RFTN2: variants seen among roughly 807,000 people sequenced by gnomAD.
RFTN2 encodes raftlin family member 2, also known as raftlin-2.
Under a neutral mutation model 52.7 loss-of-function variants are expected in RFTN2, and 34 were observed. The ratio of observed to expected loss-of-function variants is 0.64; its 90% CI spans 0.49 to 0.86. The LOEUF (loss-of-function observed/expected upper bound fraction) is 0.86, where lower values mean the gene tolerates loss of function less well. Among genes scored for constraint, RFTN2 ranks in the 40% least tolerant of loss-of-function variants. The pLI, the probability that RFTN2 is intolerant of heterozygous loss-of-function variation, is 0.00. For missense variants in RFTN2, 536 were observed against 600.1 expected (o/e 0.89, Z 1.12); for synonymous variants, 203 against 217.7 (o/e 0.93, Z 0.59).
rs909522745 is a variant in RFTN2, at chr2:197,570,975, T to G, written c.*1033A>C. The G allele has an allele frequency of 6.6e-6, 1 of 152,312 alleles. No individual in the cohort carries two copies. Among genetic ancestry groups the G allele is most frequent in the African/African-American group, 2.4e-5 (1 of 41,462 alleles). 9.4% of individuals were successfully genotyped at this position (152,312 alleles called of 1,614,324 possible). A position where few individuals can be genotyped will look rare whatever the true frequency, so the allele number is the denominator to read the frequency against. On this transcript the variant is annotated 3_prime_UTR_variant, in exon 9 of 9. Coordinates refer to ENST00000295049, the MANE Select transcript of RFTN2 (RefSeq NM_144629.3). ...ATGAAAATCCTTTATTTTGTAGAAT[T>G]TTAAAGATTGTTAAAGGCTGGGTCA...
chr2:197,624,387 C>T (rs896926090), intron 5 of RFTN2, among the ~76,000 whole-genome samples: 18 of 147,722 alleles, frequency 1.2e-4, no homozygotes, highest in African/African-American at 4.2e-4. Context: ...ATCACAAGGT[C>T]GGGAGATGGA....
At chr2:197,582,366 C>T (rs1349732631) in intron 8 of RFTN2, among the ~76,000 whole-genome samples, 1 of 152,236 alleles carries the variant, frequency 6.6e-6, no homozygotes, top group African/African-American at 2.4e-5. Context: ...GATACCACAG[C>T]TGACCCCCAT....
At chr2:197,578,704 C>A (rs1001654473) in intron 8 of RFTN2, among the ~76,000 whole-genome samples, 1 of 152,200 alleles carries the variant, frequency 6.6e-6, no homozygotes, top group African/African-American at 2.4e-5. Flanking sequence ...CCCGCCTGCA[C>A]CCAGGTGATT....
At chr2:197,615,476 G>A (rs1264858753) in intron 7 of RFTN2, among the ~76,000 whole-genome samples, 2 of 152,212 alleles carry the variant, frequency 1.3e-5, no homozygotes, top group East Asian at 3.8e-4. Flanking sequence ...AGGAAAGTTA[G>A]TACTTACAAA....
intron 8 of RFTN2, among the ~76,000 whole-genome samples, chr2:197,587,076 G>A (rs1027505470): frequency 2.6e-5 from 4 of 151,892 alleles, no homozygotes; most frequent in East Asian, 1.9e-4. Context: ...TGTATCTTCC[G>A]TTTAGTTTCT....
intron 5 of RFTN2, among the ~76,000 whole-genome samples, chr2:197,625,209 A>G (rs2088334517): frequency 6.6e-6 from 1 of 152,070 alleles, no homozygotes; most frequent in Admixed American, 6.5e-5. Context: ...TAATATTGAC[A>G]CTCCAGGAAG....
chr2:197,626,809 G>A (rs1376088385), intron 5 of RFTN2, among the ~76,000 whole-genome samples: 1 of 151,412 alleles, frequency 6.6e-6, no homozygotes, highest in African/African-American at 2.4e-5. Context: ...TAGTAGAGAC[G>A]GGGTTTCACT....
chr2:197,611,450 G>A (rs1268849618), intron 7 of RFTN2, among the ~76,000 whole-genome samples: 1 of 152,122 alleles, frequency 6.6e-6, no homozygotes, highest in African/African-American at 2.4e-5. Context: ...TGTGGGATCG[G>A]TAGTGATATC....
intron 7 of RFTN2, among the ~76,000 whole-genome samples, chr2:197,606,591 A>G (rs541242118): frequency 4.6e-5 from 7 of 152,142 alleles, no homozygotes; most frequent in East Asian, 1.9e-4. Flanking sequence ...CTGACAAAGG[A>G]CTAATATCCA....
chr2:197,616,324 T>C (rs2106211131), intron 6 of RFTN2, among the ~76,000 whole-genome samples: 1 of 31,548 alleles, frequency 3.2e-5, no homozygotes, highest in African/African-American at 1.4e-4. Context: ...GAGGGTCTCA[T>C]TCCTACATCC....
intron 8 of RFTN2, among the ~76,000 whole-genome samples, chr2:197,583,952 T>G (rs939157566): frequency 1.8e-4 from 20 of 108,108 alleles, no homozygotes; most frequent in African/African-American, 8.0e-4. Context: ...ACAAAGGACA[T>G]GAAATCATCC....
intron 8 of RFTN2, among the ~76,000 whole-genome samples, chr2:197,572,493 C>G (rs913459432): frequency 2.0e-5 from 3 of 152,166 alleles, no homozygotes; most frequent in Admixed American, 6.5e-5. Flanking sequence ...TTTTGTAACT[C>G]TTTGTAGGTT....
intron 3 of RFTN2, among the ~76,000 whole-genome samples, chr2:197,642,912 G>A (rs549374203): frequency 5.9e-5 from 9 of 152,200 alleles, no homozygotes; most frequent in African/African-American, 1.7e-4. Flanking sequence ...TCAAGAGTTC[G>A]AGACTGCAGC....
intron 1 of RFTN2, among the ~76,000 whole-genome samples, chr2:197,673,337 C>T (rs1485452019): frequency 6.6e-6 from 1 of 152,086 alleles, no homozygotes; most frequent in African/African-American, 2.4e-5. Flanking sequence ...TCAGAGACAA[C>T]AGAAGAGCAG....
chr2:197,613,027 G>A (rs1430631788), intron 7 of RFTN2, among the ~76,000 whole-genome samples: 5 of 152,178 alleles, frequency 3.3e-5, no homozygotes. Context: ...TTTTTTCTGG[G>A]TGTGAGAATA....
intron 3 of RFTN2, among the ~76,000 whole-genome samples, chr2:197,639,806 G>A (rs1316981691): frequency 2.2e-4 from 32 of 142,802 alleles, no homozygotes; most frequent in African/African-American, 8.5e-4. Context: ...TTTGGAGGAG[G>A]AGAGGCGCTC....
chr2:197,600,685 A>C (rs1160747702), intron 7 of RFTN2, among the ~76,000 whole-genome samples: 1 of 152,208 alleles, frequency 6.6e-6, no homozygotes, highest in East Asian at 1.9e-4. Flanking sequence ...AGGATGTTTC[A>C]AATGCCCTGG....
At chr2:197,616,044 A>G in intron 6 of RFTN2, 65 bp from the exon 7 acceptor site, 1 of 932,370 alleles carries the variant, frequency 1.1e-6, no homozygotes, top group Non-Finnish European at 1.7e-6. Context: ...CAATTACAAC[A>G]AAGGGTGATG....
intron 6 of RFTN2, among the ~76,000 whole-genome samples, chr2:197,616,309 A>ATTTTATGTTATTTTATTTATTTTATTTT (rs1553601950): frequency 8.0e-6 from 1 of 125,040 alleles, no homozygotes; most frequent in South Asian, 2.7e-4. Flanking sequence ...ATTTTATTTT[A>ATTTTATGTTATTTTATTTATTTTATTTT]AAGAGAGGGT....
Sources: gnomAD v4.1 joint callset for allele counts (sites outside exome capture counted in the v4.1 genomes callset) on GRCh38, gnomAD v4.1.1 for gene constraint, MANE v1.5 for transcripts, NCBI Gene and HGNC (gene_info 2026-07-23, HGNC 2026-07-21) for gene names.